Variants in DPY19L1 observed in about 807,000 individuals in gnomAD.
DPY19L1 encodes protein C-mannosyl-transferase DPY19L1.
Under a neutral mutation model 96.9 loss-of-function variants are expected in DPY19L1, and 35 were observed. The ratio of observed to expected loss-of-function variants is 0.36; its 90% CI spans 0.28 to 0.48. The LOEUF (loss-of-function observed/expected upper bound fraction) is 0.48, where lower values mean the gene tolerates loss of function less well. DPY19L1 is among the 20% of genes least tolerant of loss of function. The probability of loss-of-function intolerance (pLI) is 0.99; values close to 1 mark genes in which losing one functional copy is unlikely to be tolerated. For synonymous variants in DPY19L1, 205 were observed against 252.6 expected, an observed-to-expected ratio of 0.81 and a Z score of 1.79; for missense variants, 521 against 777.9, an observed-to-expected ratio of 0.67 and a Z score of 3.93.
At chr7:34,950,998 T>C (rs1784256465) in intron 13 of DPY19L1, among the ~76,000 whole-genome samples, 1 of 152,176 alleles carries the variant, frequency 6.6e-6, no homozygotes, top group South Asian at 2.1e-4. Context: ...CAGGTAAGTT[T>C]AAAACAAAGA....
intron 1 of DPY19L1, among the ~76,000 whole-genome samples, chr7:35,019,657 C>G (rs1048016463): frequency 9.2e-5 from 14 of 152,060 alleles, no homozygotes; most frequent in African/African-American, 3.4e-4. Context: ...TAGATCAGAT[C>G]TTATTGTTTT....
At chr7:34,966,634 C>T (rs1313000882) in intron 10 of DPY19L1, among the ~76,000 whole-genome samples, 3 of 152,122 alleles carry the variant, frequency 2.0e-5, no homozygotes, top group South Asian at 4.1e-4. Context: ...AATATATCAG[C>T]CCCATGTTTC....
intron 15 of DPY19L1, among the ~76,000 whole-genome samples, chr7:34,946,215 G>GT (rs1784141453): frequency 1.3e-5 from 2 of 152,124 alleles, no homozygotes; most frequent in South Asian, 2.1e-4. Flanking sequence ...ATCTAAAATC[G>GT]TATCTCCAGT....
At position 35,018,569 on chromosome 7, in the gene DPY19L1, T is replaced by C; in HGVS notation, c.323+3A>G. On this transcript the variant is annotated splice_donor_region_variant and intron_variant, in intron 2 of 21. Coordinates refer to ENST00000638088, the MANE Select transcript of DPY19L1 (RefSeq NM_001366673.1). ...ATACCATAGGAGAAAAAAACAATCT[T>C]ACCAGTGCAACACTGCTGCAAAAAC... 6.2e-7 allele frequency: 1 copy of C among 1,609,364 alleles called. No individual in the cohort carries two copies.
chr7:35,007,726 G>A (rs1395193487), intron 6 of DPY19L1, among the ~76,000 whole-genome samples: 1 of 151,716 alleles, frequency 6.6e-6, no homozygotes, highest in Non-Finnish European at 1.5e-5. Context: ...AATGAAATGG[G>A]CTCAACCCAC....
chr7:34,993,790 T>C (rs1290435165), intron 6 of DPY19L1, among the ~76,000 whole-genome samples: 3 of 152,108 alleles, frequency 2.0e-5, no homozygotes, highest in African/African-American at 4.8e-5. Flanking sequence ...TCAGGCACAG[T>C]GGCTCATGCC....
intron 1 of DPY19L1, among the ~76,000 whole-genome samples, chr7:35,033,706 C>G (rs989815289): frequency 6.6e-6 from 1 of 152,146 alleles, no homozygotes; most frequent in Non-Finnish European, 1.5e-5. Flanking sequence ...CAGCTAGATT[C>G]AACTCTCTGC....
intron 1 of DPY19L1, among the ~76,000 whole-genome samples, chr7:35,027,568 G>A (rs1203608241): frequency 6.6e-5 from 10 of 151,530 alleles, no homozygotes; most frequent in South Asian, 2.1e-4. Context: ...CATGGCTCAC[G>A]CCTGTAATCC....
At chr7:34,991,708 T>C (rs577327682) in intron 6 of DPY19L1, among the ~76,000 whole-genome samples, 21 of 152,350 alleles carry the variant, frequency 1.4e-4, no homozygotes, top group Non-Finnish European at 2.5e-4. Flanking sequence ...CCCAATCCTA[T>C]TCACCTAAGA....
upstream of DPY19L1, chr7:35,037,802 G>T (rs1786482542): frequency 8.2e-7 from 1 of 1,218,668 alleles, no homozygotes; most frequent in Non-Finnish European, 1.0e-6. Context: ...CCCCTCTGGC[G>T]CCCGGCTACC....
chr7:34,960,133 A>G (rs1784472618), intron 10 of DPY19L1, among the ~76,000 whole-genome samples: 1 of 151,390 alleles, frequency 6.6e-6, no homozygotes. Context: ...AAAATAATCC[A>G]TATTCTAGAA....
At chr7:35,019,911 C>G (rs1489864754) in intron 1 of DPY19L1, among the ~76,000 whole-genome samples, 1 of 152,098 alleles carries the variant, frequency 6.6e-6, no homozygotes. Context: ...ATAATCCCAG[C>G]TACTCGGCTG....
intron 1 of DPY19L1, among the ~76,000 whole-genome samples, chr7:35,033,578 AAATATTAAAGG>A (rs781594599): frequency 1.3e-5 from 2 of 152,158 alleles, no homozygotes; most frequent in Non-Finnish European, 2.9e-5. Context: ...TAAGGGTGAG[AAATATTAAAGG>A]AGTGTAGAAC....
rs1245083031 is a variant in DPY19L1, at chr7:35,018,446, T to C, written c.323+126A>G. On this transcript the variant is annotated intron_variant, in intron 2 of 21. Transcript: ENST00000638088. ...TCAATTAAACTAGTTTTTCAGACTA[T>C]TGTGTTACATGTAATATATATTCAT... 5 of 814,264 alleles carry C rather than the reference T, an allele frequency of 6.1e-6. No homozygotes were observed. The African/African-American group carries it at 7.0e-5, about 11-fold the overall frequency. 50.4% of individuals were successfully genotyped at this position (814,264 alleles called of 1,614,324 possible). A position where few individuals can be genotyped will look rare whatever the true frequency, so the allele number is the denominator to read the frequency against.
Position 34,958,022 on chromosome 7 carries a change from A to G in DPY19L1, c.1141T>C (p.Leu381=), listed in dbSNP as rs1168337095. Residue 381 remains leucine, a synonymous_variant, in exon 11 of 22, where the codon TTA becomes CTA. Coordinates refer to ENST00000638088, the MANE Select transcript of DPY19L1 (RefSeq NM_001366673.1). ...AAAGAAGAAGCATAATAAGAAGTTA[A>G]TAACATTGAGTTCCCAAACATCAAA... The part of the protein sequence containing the change: ...FVLMFGNSML[L]TSYYASSLVI... 2 of 1,587,860 alleles carry G rather than the reference A, an allele frequency of 1.3e-6. No individual in the cohort carries two copies. Among genetic ancestry groups the G allele is most frequent in the African/African-American group, 1.4e-5 (1 of 73,200 alleles).
Position 35,017,968 on chromosome 7 carries a change from T to G in DPY19L1, c.325A>C (p.Ser109Arg). 1.3e-6 allele frequency: 2 copies of G among 1,598,768 alleles called. No homozygotes were observed. The highest frequency in any genetic ancestry group is 1.7e-6 in the Non-Finnish European group (2 of 1,172,210). ...TTTTCAAAGAGGTGTGTTATATGGC[T>G]CCTGGAAAAACAAAACAAAGCAATA... ...LAVFAAVLHW[S>R]HITHLFENDR... Residue 109 changes from serine to arginine, a missense_variant and splice_region_variant, in exon 3 of 22, where the codon AGC (serine) becomes CGC (arginine). By Grantham distance (110) the Ser-to-Arg change is moderately radical (BLOSUM62 -1). Coordinates refer to ENST00000638088, the MANE Select transcript of DPY19L1 (RefSeq NM_001366673.1).
At position 34,980,205 on chromosome 7, in the gene DPY19L1, G is replaced by A. The variant is rs115539145; in HGVS notation, c.823-6600C>T. On this transcript the variant is annotated intron_variant, in intron 7 of 21. Transcript: ENST00000638088. ...AGGTTAACTGGACATCCTATTTGGGGTGGGGTAGGGGAGGAAGGAATCTGG... is the reference window on the plus strand; with the variant it reads ...AGGTTAACTGGACATCCTATTTGGGATGGGGTAGGGGAGGAAGGAATCTGG... Among the ~76,000 whole-genome samples, 886 of 152,164 alleles carry A rather than the reference G, an allele frequency of 5.8e-3. 10 individuals are homozygous for A. Among genetic ancestry groups the A allele is most frequent in the African/African-American group, 0.02 (825 of 41,532 alleles).
chr7:34,932,038 C>T (rs1219776005), intron 21 of DPY19L1, among the ~76,000 whole-genome samples: 5 of 152,140 alleles, frequency 3.3e-5, no homozygotes, highest in African/African-American at 4.8e-5. Context: ...TGGTTCTGGG[C>T]AGGTAGCTTC....
chr7:34,939,177 T>C (rs1443004055), intron 20 of DPY19L1, 99 bp downstream of exon 20: 8 of 1,053,894 alleles, frequency 7.6e-6, no homozygotes, highest in East Asian at 5.2e-5. Context: ...CAGTTCATCA[T>C]ATCCTTTTGA....
Sources: gnomAD v4.1 joint callset for allele counts (sites outside exome capture counted in the v4.1 genomes callset) on GRCh38, gnomAD v4.1.1 for gene constraint, MANE v1.5 for transcripts, NCBI Gene and HGNC (gene_info 2026-07-23, HGNC 2026-07-21) for gene names.